Variants in CDH18 observed in about 807,000 individuals in gnomAD.
CDH18 encodes cadherin 18.
In CDH18, 31 loss-of-function variants were observed where a neutral mutation model predicts 67.9. That is an observed-to-expected ratio of 0.46 (90% CI 0.34 to 0.62). The LOEUF (loss-of-function observed/expected upper bound fraction) is 0.62. CDH18 is among the 20% of genes least tolerant of loss of function. The pLI is 0.01. For synonymous variants in CDH18, 362 were observed against 347.2 expected (o/e 1.04, Z -0.48); for missense variants, 890 against 975.5 (o/e 0.91, Z 1.17).
chr5:19,713,637 T>C (rs771176647), intron 5 of CDH18, among the ~76,000 whole-genome samples: 3 of 152,126 alleles, frequency 2.0e-5, no homozygotes, highest in Non-Finnish European at 4.4e-5. Flanking sequence ...CTGATATCTA[T>C]AGTGTCTGTA....
At chr5:20,007,278 T>G (rs779337759) in intron 2 of CDH18, among the ~76,000 whole-genome samples, 1 of 151,946 alleles carries the variant, frequency 6.6e-6, no homozygotes, top group African/African-American at 2.4e-5. Context: ...TTCAATTGAT[T>G]ATAGAGACTC....
intron 1 of CDH18, among the ~76,000 whole-genome samples, chr5:20,463,848 T>G (rs564167497): frequency 1.3e-5 from 2 of 152,122 alleles, no homozygotes; most frequent in Non-Finnish European, 2.9e-5. Flanking sequence ...CTCTTTTGGA[T>G]AGTGAAGCTA....
chr5:20,430,282 C>T (rs999782673), intron 1 of CDH18, among the ~76,000 whole-genome samples: 61 of 152,130 alleles, frequency 4.0e-4, no homozygotes, highest in African/African-American at 1.4e-3. Flanking sequence ...TCTGATGTGC[C>T]GGACACATCA....
intron 1 of CDH18, among the ~76,000 whole-genome samples, chr5:20,324,367 G>T (rs1050130458): frequency 1.3e-5 from 2 of 152,022 alleles, no homozygotes; most frequent in African/African-American, 4.8e-5. Flanking sequence ...GTGAAACCCC[G>T]TCTCTATTAA....
intron 2 of CDH18, among the ~76,000 whole-genome samples, chr5:20,252,868 G>A (rs569992507): frequency 4.6e-5 from 7 of 151,796 alleles, no homozygotes; most frequent in Admixed American, 3.3e-4. Flanking sequence ...ACCGGGAGGC[G>A]GAGCTTGTAG....
chr5:20,189,759 T>C (rs533597738), intron 2 of CDH18, among the ~76,000 whole-genome samples: 2 of 152,232 alleles, frequency 1.3e-5, no homozygotes, highest in South Asian at 4.1e-4. Flanking sequence ...GGTGTTGAAT[T>C]TTTTATCTTT....
intron 1 of CDH18, chr5:20,305,549 G>A: frequency 2.7e-6 from 2 of 743,040 alleles, no homozygotes; most frequent in Non-Finnish European, 2.4e-6. Flanking sequence ...GCTGGTGGTC[G>A]CGGGGCTGAG....
Position 19,699,630 on chromosome 5 carries a change from G to GTGTGTGTGTC in CDH18, c.643+21716_643+21717insGACACACACA, listed in dbSNP as rs1236400659. ...TTTCTCCATGTGTGTGTGTGTGTGT[G>GTGTGTGTGTC]TGTGTGTGTGTCTGTGTGTGTGTGT... On this transcript the variant is annotated intron_variant, in intron 5 of 12. Transcript: ENST00000382275. Among the ~76,000 whole-genome samples the GTGTGTGTGTC allele has an allele frequency of 6.3e-3, 801 of 127,584 alleles. 6 individuals carry two copies. The highest frequency in any genetic ancestry group is 0.017 in the South Asian group (63 of 3,646). The allele number at this position is 127,584 out of a possible 152,430, so 83.7% of individuals were successfully genotyped here.
At position 20,054,974 on chromosome 5, in the gene CDH18, C is replaced by T. The variant is rs377394447; in HGVS notation, c.-517-62960G>A. Among the ~76,000 whole-genome samples the T allele has an allele frequency of 2.2e-4, 33 of 152,290 alleles. No individual in the cohort carries two copies. In the East Asian group the frequency reaches 5.8e-3, roughly 27 times the overall value. ...GTAAGAAGCCACAGGTATAGCAGTT[C>T]TGGCAATGGGCTGTGTAATAACACC... On this transcript the variant is annotated intron_variant, in intron 2 of 14. Transcript: ENST00000507958.
chr5:20,515,912 A>C (rs1755339909), intron 1 of CDH18, among the ~76,000 whole-genome samples: 1 of 152,036 alleles, frequency 6.6e-6, no homozygotes, highest in South Asian at 2.1e-4. Flanking sequence ...TTGCTTGACT[A>C]ATTGATTGGC....
chr5:19,654,862 C>G (rs1411614253), intron 5 of CDH18, among the ~76,000 whole-genome samples: 5 of 152,136 alleles, frequency 3.3e-5, no homozygotes, highest in Admixed American at 6.6e-5. Flanking sequence ...CATCTCACAG[C>G]CATTCTCCCC....
chr5:19,621,700 A>G (rs1750739834), intron 5 of CDH18, among the ~76,000 whole-genome samples: 1 of 152,180 alleles, frequency 6.6e-6, no homozygotes, highest in African/African-American at 2.4e-5. Flanking sequence ...TTGCTGTTTA[A>G]TGTGTATAAA....
chr5:20,136,760 A>G (rs1297495762), intron 2 of CDH18, among the ~76,000 whole-genome samples: 1 of 152,140 alleles, frequency 6.6e-6, no homozygotes, highest in African/African-American at 2.4e-5. Context: ...TGCTTCCTTC[A>G]GGAGCTGTTG....
chr5:19,566,029 A>C (rs954487265), intron 8 of CDH18, among the ~76,000 whole-genome samples: 1 of 152,188 alleles, frequency 6.6e-6, no homozygotes, highest in Non-Finnish European at 1.5e-5. Context: ...ATAGAAAAAA[A>C]AAATCTAATA....
intron 5 of CDH18, among the ~76,000 whole-genome samples, chr5:19,708,845 C>T (rs1018859449): frequency 6.6e-6 from 1 of 151,970 alleles, no homozygotes; most frequent in African/African-American, 2.4e-5. Flanking sequence ...AGGCTGTCAG[C>T]CCCCTGATTC....
At chr5:19,967,729 A>G (rs1808086) in intron 2 of CDH18, among the ~76,000 whole-genome samples, 4,441 of 152,160 alleles carry the variant, frequency 0.029, 242 homozygotes, top group East Asian at 0.22. Flanking sequence ...CCCACAGCCA[A>G]TATCATACTG....
intron 1 of CDH18, among the ~76,000 whole-genome samples, chr5:20,420,152 G>A (rs188474338): frequency 6.6e-6 from 1 of 151,108 alleles, no homozygotes; most frequent in Admixed American, 6.6e-5. Flanking sequence ...GTGGTAAGAC[G>A]CGATACAATC....
intron 3 of CDH18, among the ~76,000 whole-genome samples, chr5:19,813,090 T>C (rs1057330804): frequency 1.1e-4 from 17 of 151,842 alleles, no homozygotes; most frequent in Admixed American, 5.9e-4. Context: ...AATTGAACAA[T>C]GAGAACACAT....
In CDH18 at chr5:19,937,886, A is replaced by T. The variant is rs961099497; in HGVS notation, c.-257+43174T>A. ...GTGGCTTGTAACATTGAGAAAGGAA[A>T]TTTTTTTTATTGAATTTCACAAAGA... On this transcript the variant is annotated intron_variant, in intron 2 of 12. Transcript: ENST00000382275. Among the ~76,000 whole-genome samples, 3 of 150,352 alleles carry T rather than the reference A, an allele frequency of 2.0e-5. No individual in the cohort carries two copies. In the South Asian group the frequency reaches 6.2e-4, roughly 31 times the overall value.
Sources: gnomAD v4.1 joint callset for allele counts (sites outside exome capture counted in the v4.1 genomes callset) on GRCh38, gnomAD v4.1.1 for gene constraint, MANE v1.5 for transcripts, NCBI Gene and HGNC (gene_info 2026-07-23, HGNC 2026-07-21) for gene names.